The following INSL6 variants were observed in gnomAD, a reference collection of about 807,000 sequenced individuals.
INSL6 encodes the protein insulin like 6.
Under a neutral mutation model 9.4 loss-of-function variants are expected in INSL6, and 16 were observed. The observed-to-expected ratio is 1.70, with a 90% CI of 1.15 to 2.59. The LOEUF (loss-of-function observed/expected upper bound fraction) is 2.59, where lower values mean the gene tolerates loss of function less well. Ranked by LOEUF, INSL6 falls within the 30% of genes most tolerant of loss-of-function variation. INSL6 has a pLI of 0.00. For synonymous variants in INSL6, 154 were observed against 96.9 expected, an observed-to-expected ratio of 1.59 and a Z score of -3.46; for missense variants, 391 against 257.3, an observed-to-expected ratio of 1.52 and a Z score of -3.56.
the INSL6 span, among the ~76,000 whole-genome samples, chr9:5,095,434 C>T: frequency 6.6e-6 from 1 of 152,124 alleles, no homozygotes; most frequent in South Asian, 2.1e-4. Context: ...ATCTATAATT[C>T]TCATGATGGG....
At chr9:5,001,448 A>G in the INSL6 span, among the ~76,000 whole-genome samples, 1 of 152,110 alleles carries the variant, frequency 6.6e-6, no homozygotes. Flanking sequence ...GGACGATCTT[A>G]TGGTTTTGCT....
At chr9:5,099,506 A>C in the INSL6 span, 3 of 152,208 alleles carry the variant, frequency 2.0e-5, no homozygotes, top group Non-Finnish European at 4.4e-5. Context: ...CATTTATATT[A>C]TCCCTACACC....
intron 3 of INSL6, chr9:5,126,295 TAAA>T (rs1231420096): frequency 7.0e-7 from 1 of 1,423,824 alleles, no homozygotes; most frequent in Admixed American, 1.9e-5. Context: ...TGCTACAAAT[TAAA>T]TGTACAAAAA....
chr9:5,103,641 C>G, the INSL6 span, among the ~76,000 whole-genome samples: 1 of 152,206 alleles, frequency 6.6e-6, no homozygotes, highest in Non-Finnish European at 1.5e-5. Flanking sequence ...CGACATCACA[C>G]TTATTCCAAA....
At chr9:5,089,339 C>T in the INSL6 span, among the ~76,000 whole-genome samples, 138 of 152,124 alleles carry the variant, frequency 9.1e-4, no homozygotes, top group African/African-American at 3.2e-3. Flanking sequence ...GAGATCAAGA[C>T]AATCCTGGCT....
At chr9:5,169,995 T>A (rs888058263) in intron 1 of INSL6, among the ~76,000 whole-genome samples, 1 of 152,158 alleles carries the variant, frequency 6.6e-6, no homozygotes, top group African/African-American at 2.4e-5. Context: ...AGGACTTGAA[T>A]TCAACTCTGG....
chr9:5,167,131 C>T (rs1825072667), intron 1 of INSL6, among the ~76,000 whole-genome samples: 1 of 152,184 alleles, frequency 6.6e-6, no homozygotes, highest in African/African-American at 2.4e-5. Flanking sequence ...GGAGCTAGGG[C>T]CCACCTGGGA....
chr9:5,014,164 CTTTTTTTT>C, the INSL6 span, among the ~76,000 whole-genome samples: 1 of 117,542 alleles, frequency 8.5e-6, no homozygotes, highest in Admixed American at 8.6e-5. Flanking sequence ...TTTACTCTTT[CTTTTTTTT>C]TTTTTTTTTT....
intron 2 of INSL6, among the ~76,000 whole-genome samples, chr9:5,156,715 T>C (rs530412328): frequency 1.2e-4 from 19 of 152,068 alleles, no homozygotes; most frequent in African/African-American, 4.3e-4. Context: ...AGACATTATA[T>C]TGGAAAAGAA....
chr9:5,043,981 A>C, the INSL6 span, among the ~76,000 whole-genome samples: 1 of 152,240 alleles, frequency 6.6e-6, no homozygotes, highest in African/African-American at 2.4e-5. Context: ...TGTTACTAAA[A>C]GACAATATAG....
intron 3 of INSL6, chr9:5,127,821 G>A (rs886956596): frequency 3.4e-5 from 8 of 232,390 alleles, no homozygotes; most frequent in Admixed American, 1.1e-4. Context: ...GTATATTTGA[G>A]GGGTTTCAGA....
chr9:5,174,972 C>T (rs1825264433), intron 1 of INSL6, among the ~76,000 whole-genome samples: 1 of 151,090 alleles, frequency 6.6e-6, no homozygotes, highest in South Asian at 2.1e-4. Flanking sequence ...CAGAGTCTCG[C>T]TCTGGCGCCC....
chr9:5,111,499 C>T, the INSL6 span: 203 of 367,262 alleles, frequency 5.5e-4, 2 homozygotes, highest in African/African-American at 3.8e-3. Context: ...GTAGGGATGC[C>T]GCCGCCTATC....
the INSL6 span, among the ~76,000 whole-genome samples, chr9:5,003,093 G>A: frequency 0.28 from 41,767 of 151,654 alleles, 5,914 homozygotes; most frequent in Middle Eastern, 0.36. Flanking sequence ...TTGTCTATTT[G>A]TTCATTTTTG....
chr9:5,144,593 T>C (rs1198277542), intron 2 of INSL6, among the ~76,000 whole-genome samples: 1 of 152,186 alleles, frequency 6.6e-6, no homozygotes, highest in Non-Finnish European at 1.5e-5. Flanking sequence ...TAAAGTCTCC[T>C]ATTATTGTGT....
the INSL6 span, among the ~76,000 whole-genome samples, chr9:4,998,420 C>A: frequency 6.6e-6 from 1 of 152,110 alleles, no homozygotes; most frequent in Non-Finnish European, 1.5e-5. Flanking sequence ...CCACGCCCAG[C>A]TAATTTTTGT....
chr9:5,156,291 A>G (rs1824813752), intron 2 of INSL6, among the ~76,000 whole-genome samples: 1 of 152,226 alleles, frequency 6.6e-6, no homozygotes, highest in South Asian at 2.1e-4. Flanking sequence ...TCCTAAACAG[A>G]TTCTTTATGA....
chr9:5,036,121 C>T, the INSL6 span, among the ~76,000 whole-genome samples: 1 of 152,192 alleles, frequency 6.6e-6, no homozygotes, highest in African/African-American at 2.4e-5. Context: ...TGAGTGAACT[C>T]CCATTCACAA....
At chr9:5,164,983 G>A (rs1203323399) in intron 1 of INSL6, among the ~76,000 whole-genome samples, 7 of 152,164 alleles carry the variant, frequency 4.6e-5, no homozygotes, top group African/African-American at 9.7e-5. Context: ...CGAGGCGGGC[G>A]GATCACTTGA....
Sources: gnomAD v4.1 joint callset for allele counts (sites outside exome capture counted in the v4.1 genomes callset) on GRCh38, gnomAD v4.1.1 for gene constraint, MANE v1.5 for transcripts, NCBI Gene and HGNC (gene_info 2026-07-23, HGNC 2026-07-21) for gene names.